Variants in FAM20B observed in about 807,000 individuals in gnomAD.
FAM20B encodes FAM20B glycosaminoglycan xylosylkinase.
A neutral mutation model predicts 43.8 loss-of-function variants in FAM20B; 23 were observed. The observed-to-expected ratio is 0.53, with a 90% CI of 0.38 to 0.74. The LOEUF is 0.74. Ranked by LOEUF, FAM20B falls within the 30% of genes least tolerant of loss-of-function variation. The probability of loss-of-function intolerance (pLI) is 0.00; values close to 1 mark genes in which losing one functional copy is unlikely to be tolerated. For synonymous variants in FAM20B, 178 were observed against 192.4 expected, an observed-to-expected ratio of 0.93 and a Z score of 0.62; for missense variants, 440 against 510.5, an observed-to-expected ratio of 0.86 and a Z score of 1.33.
At chr1:179,063,512 C>T (rs1651562121) in intron 4 of FAM20B, among the ~76,000 whole-genome samples, 1 of 151,032 alleles carries the variant, frequency 6.6e-6, no homozygotes. Flanking sequence ...GGCTTGAGCC[C>T]CAGAGGCAGA....
intron 1 of FAM20B, among the ~76,000 whole-genome samples, chr1:179,043,167 C>A (rs1015085971): frequency 6.6e-6 from 1 of 152,250 alleles, no homozygotes; most frequent in Non-Finnish European, 1.5e-5. Context: ...TGGCCTCCCT[C>A]CCATGCTCAT....
At chr1:179,071,330 A>G (rs1272038284) in intron 7 of FAM20B, among the ~76,000 whole-genome samples, 1 of 152,128 alleles carries the variant, frequency 6.6e-6, no homozygotes, top group Non-Finnish European at 1.5e-5. Flanking sequence ...TTTTCCCAGT[A>G]GAAATTATTT....
At chr1:179,041,718 C>T (rs1275706587) in intron 1 of FAM20B, among the ~76,000 whole-genome samples, 6 of 127,202 alleles carry the variant, frequency 4.7e-5, no homozygotes, top group East Asian at 4.5e-4. Flanking sequence ...AGACAGGAGA[C>T]GGGAGACGGG....
chr1:179,054,507 G>C (rs773385084), intron 3 of FAM20B, 22 bp from the exon 4 acceptor site: 1 of 1,492,462 alleles, frequency 6.7e-7, no homozygotes, highest in South Asian at 1.1e-5. Context: ...TTTCTCTTCT[G>C]TTCTTCAATC....
At chr1:179,023,080 G>C (rs998306093), upstream of FAM20B, among the ~76,000 whole-genome samples, 3 of 152,212 alleles carry the variant, frequency 2.0e-5, no homozygotes, top group Non-Finnish European at 4.4e-5. Context: ...AGGTGACTAT[G>C]GCAGTAAATG....
At chr1:179,037,523 C>T (rs1275189780) in intron 1 of FAM20B, among the ~76,000 whole-genome samples, 1 of 118,350 alleles carries the variant, frequency 8.4e-6, no homozygotes, top group African/African-American at 3.4e-5. Context: ...CTCACTCTGT[C>T]GCTCAGGCTG....
rs1651979620 is a variant in FAM20B, at chr1:179,072,742, G to A, written c.*598G>A. 6.6e-6 allele frequency: 1 copy of A among 152,480 alleles called. No homozygotes were observed. The highest frequency in any genetic ancestry group is 6.5e-5 in the Admixed American group (1 of 15,322). 9.4% of individuals were successfully genotyped at this position (152,480 alleles called of 1,614,324 possible). On this transcript the variant is annotated 3_prime_UTR_variant, in exon 8 of 8. Transcript: ENST00000263733. ...GTTTGGGCTTTTAAGCCATTGGGTA[G>A]TATTGTTTTGATGATCTTAGAGGAG...
upstream of FAM20B, among the ~76,000 whole-genome samples, chr1:179,023,336 A>G (rs919010021): frequency 1.3e-5 from 2 of 152,264 alleles, no homozygotes; most frequent in Non-Finnish European, 2.9e-5. Context: ...GTGGGAATAA[A>G]GATGAAATAG....
chr1:179,058,276 C>T (rs746513845), intron 4 of FAM20B, among the ~76,000 whole-genome samples: 43 of 152,240 alleles, frequency 2.8e-4, no homozygotes, highest in Admixed American at 2.3e-3. Flanking sequence ...ATGAAAAATC[C>T]GTGATTTCTT....
rs1229557106 is a variant in FAM20B, at chr1:179,044,334, AAG to A, written c.377+113_377+114del. On this transcript the variant is annotated intron_variant, in intron 2 of 7. Coordinates refer to ENST00000263733, the MANE Select transcript of FAM20B (RefSeq NM_014864.4). ...CTCTTGGAAGTCTCTTCAGTAAAAT[AAG>A]AGGGGTAGACTAGATCTCTAAAGTC... is the stretch of plus-strand genomic sequence containing the variant. The A allele has an allele frequency of 4.0e-6, 5 of 1,234,654 alleles. No individual in the cohort carries two copies. The East Asian group carries it at 9.6e-5, about 24-fold the overall frequency. The allele number at this position is 1,234,654 out of a possible 1,614,324, so 76.5% of individuals were successfully genotyped here. A position where few individuals can be genotyped will look rare whatever the true frequency, so the allele number is the denominator to read the frequency against.
chr1:179,068,788 G>A (rs1364961285), intron 7 of FAM20B, among the ~76,000 whole-genome samples: 2 of 152,158 alleles, frequency 1.3e-5, no homozygotes, highest in African/African-American at 4.8e-5. Context: ...AAGGGCTGAG[G>A]GAGAGTACCC....
rs1421250459 is a variant in FAM20B at position 179,076,201 on chromosome 1, ACT to A, written c.*4059_*4060del. Reference sequence around the variant, plus strand: ...AGCCAGGCACATCTGGCCTTGGGAAACTCATCCTACAGGGGAAGGCCAGTTTT... The same window carrying A: ...AGCCAGGCACATCTGGCCTTGGGAAACATCCTACAGGGGAAGGCCAGTTTT... On this transcript the variant is annotated 3_prime_UTR_variant, in exon 8 of 8. Transcript: ENST00000263733. The A allele has an allele frequency of 6.6e-6, 1 of 152,018 alleles. No homozygotes were observed. Among genetic ancestry groups the A allele is most frequent in the Non-Finnish European group, 1.5e-5 (1 of 68,004 alleles). 9.4% of individuals were successfully genotyped at this position (152,018 alleles called of 1,614,324 possible).
intron 1 of FAM20B, among the ~76,000 whole-genome samples, chr1:179,031,659 T>C (rs1650020741): frequency 6.6e-6 from 1 of 152,190 alleles, no homozygotes; most frequent in South Asian, 2.1e-4. Context: ...CAGATGTAAA[T>C]AAATGTTTAA....
At chr1:179,041,697 G>T (rs899678301) in intron 1 of FAM20B, among the ~76,000 whole-genome samples, 2 of 148,174 alleles carry the variant, frequency 1.3e-5, no homozygotes, top group African/African-American at 2.5e-5. Flanking sequence ...GGAGACGGGA[G>T]ACGGGGAGGG....
At chr1:179,049,611 G>C (rs12075028) in intron 2 of FAM20B, among the ~76,000 whole-genome samples, 13,928 of 152,168 alleles carry the variant, frequency 0.092, 1,181 homozygotes, top group African/African-American at 0.23. Context: ...CACAGTCTCG[G>C]CTCACTGCAA....
intron 7 of FAM20B, among the ~76,000 whole-genome samples, 173 bp from the exon 8 acceptor site, chr1:179,071,740 T>C (rs576433824): frequency 4.9e-4 from 75 of 152,326 alleles, no homozygotes; most frequent in African/African-American, 1.8e-3. Flanking sequence ...AGAAACAATA[T>C]CAAAACATAG....
At chr1:179,022,297 C>A (rs1348256920), upstream of FAM20B, among the ~76,000 whole-genome samples, 1 of 152,198 alleles carries the variant, frequency 6.6e-6, no homozygotes, top group African/African-American at 2.4e-5. Flanking sequence ...TACTCGCTAG[C>A]CTTTCCCGTC....
chr1:179,039,501 T>C (rs902291045), intron 1 of FAM20B, among the ~76,000 whole-genome samples: 1 of 152,214 alleles, frequency 6.6e-6, no homozygotes, highest in Non-Finnish European at 1.5e-5. Context: ...TGCTAATAGC[T>C]AGATGGTATG....
chr1:179,045,632 T>C (rs1650732768), intron 2 of FAM20B, among the ~76,000 whole-genome samples: 1 of 152,092 alleles, frequency 6.6e-6, no homozygotes, highest in Non-Finnish European at 1.5e-5. Context: ...GGGCTGGGCG[T>C]GATGGCTCAT....
Sources: gnomAD v4.1 joint callset for allele counts (sites outside exome capture counted in the v4.1 genomes callset) on GRCh38, gnomAD v4.1.1 for gene constraint, MANE v1.5 for transcripts, NCBI Gene and HGNC (gene_info 2026-07-23, HGNC 2026-07-21) for gene names.